The following RASD2 variants were observed in gnomAD, a reference collection of about 807,000 sequenced individuals.
RASD2 encodes the protein RASD family member 2, also known as GTP-binding protein Rhes.
Under a neutral mutation model 15.8 loss-of-function variants are expected in RASD2, and 7 were observed. The ratio of observed to expected loss-of-function variants is 0.44; its 90% CI spans 0.25 to 0.83. The LOEUF is 0.83. Ranked by LOEUF, RASD2 falls within the 40% of genes least tolerant of loss-of-function variation. The pLI, the probability that RASD2 is intolerant of heterozygous loss-of-function variation, is 0.20. For synonymous variants in RASD2, 155 were observed against 153.6 expected (o/e 1.01, Z -0.07); for missense variants, 274 against 382.8 (o/e 0.72, Z 2.37).
chr22:35,544,387 C>T (rs896067162), intron 1 of RASD2, among the ~76,000 whole-genome samples: 1 of 152,252 alleles, frequency 6.6e-6, no homozygotes, highest in Admixed American at 6.5e-5. Context: ...TCCTGCCTCC[C>T]ACACGTATGC....
At position 35,551,867 on chromosome 22, in the gene RASD2, C is replaced by G; in HGVS notation, c.636C>G (p.Phe212Leu). The change falls in exon 3 of 3, where the codon TTC (phenylalanine) becomes TTG (leucine). Residue 212 changes from phenylalanine (F) to leucine (L), a missense_variant. Transcript: ENST00000216127. The surrounding 1 kb of genome is among the most constrained non-coding windows in gnomAD (Gnocchi z 4.9). ...RKISVQYGDA[F>L]HPRPFCMRRV... ...TCTCCGTGCAGTACGGTGACGCCTT[C>G]CACCCCAGGCCCTTCTGCATGCGCC... is the stretch of plus-strand genomic sequence containing the variant. 1 of 1,613,970 alleles carries G rather than the reference C, an allele frequency of 6.2e-7. No homozygotes were observed. The highest frequency in any genetic ancestry group is 8.5e-7 in the Non-Finnish European group (1 of 1,180,030).
rs1397770824 is a variant in RASD2 at position 35,551,633 on chromosome 22, C to T, written c.402C>T (p.Pro134=). ...KNKTKEAAEL[P]MVICGNKNDH... ...AGACCAAGGAGGCGGCGGAGCTGCC[C>T]ATGGTCATCTGTGGCAACAAGAACG... The change falls in exon 3 of 3, where the codon CCC becomes CCT. Residue 134 remains proline, a synonymous_variant. Transcript: ENST00000216127. The surrounding 1 kb of genome is among the most constrained non-coding windows in gnomAD (Gnocchi z 4.9). 4 of 1,614,072 alleles carry T rather than the reference C, an allele frequency of 2.5e-6. No individual in the cohort carries two copies. Among genetic ancestry groups the T allele is most frequent in the Admixed American group, 3.3e-5 (2 of 60,000 alleles).
At chr22:35,536,824 C>CCAA (rs34190412), upstream of RASD2, among the ~76,000 whole-genome samples, 130,278 of 151,984 alleles carry the variant, frequency 0.86, 56,959 homozygotes, top group African/African-American at 0.93. Context: ...TTCTGCATTT[C>CCAA]CAAGTCCCAG....
At position 35,552,163 on chromosome 22, in the gene RASD2, C is replaced by A. The variant is rs547796190; in HGVS notation, c.*131C>A. The A allele has an allele frequency of 7.3e-6, 9 of 1,240,972 alleles. No individual in the cohort carries two copies. In the African/African-American group the frequency reaches 9.1e-5, roughly 13 times the overall value. 76.9% of individuals were successfully genotyped at this position (1,240,972 alleles called of 1,614,324 possible). ...AGACCTTAGGCACCAGACTGGAGGC[C>A]CCCGGGCGCTGGCCTCCGCACATTC... On this transcript the variant is annotated 3_prime_UTR_variant, in exon 3 of 3. Transcript: ENST00000216127.
chr22:35,537,134 T>G (rs762196441), upstream of RASD2, among the ~76,000 whole-genome samples: 99 of 152,314 alleles, frequency 6.5e-4, no homozygotes, highest in South Asian at 1.2e-3. Flanking sequence ...AGCCTCTCAT[T>G]AGCTGCCTGG....
chr22:35,533,021 G>T, the RASD2 span, among the ~76,000 whole-genome samples: 1 of 152,194 alleles, frequency 6.6e-6, no homozygotes, highest in Admixed American at 6.5e-5. Context: ...TCACCTGTCT[G>T]AGCCTCAGTC....
intron 1 of RASD2, among the ~76,000 whole-genome samples, chr22:35,544,715 T>C (rs1934449881): frequency 6.6e-6 from 1 of 152,126 alleles, no homozygotes; most frequent in Non-Finnish European, 1.5e-5. Context: ...CCTTCTGAGC[T>C]CGGGGCAGAC....
the RASD2 span, among the ~76,000 whole-genome samples, chr22:35,535,035 G>A: frequency 6.6e-6 from 1 of 152,160 alleles, no homozygotes; most frequent in South Asian, 2.1e-4. Flanking sequence ...TCTCAAGAGG[G>A]CGAGGACCCC....
At chr22:35,548,514 G>A (rs1023591363) in intron 2 of RASD2, among the ~76,000 whole-genome samples, 3 of 152,132 alleles carry the variant, frequency 2.0e-5, no homozygotes, top group Non-Finnish European at 4.4e-5. Context: ...GAGTGAGCAG[G>A]CAACTCTCTA....
intron 2 of RASD2, among the ~76,000 whole-genome samples, chr22:35,550,027 G>A (rs753037869): frequency 6.6e-6 from 1 of 152,104 alleles, no homozygotes; most frequent in Non-Finnish European, 1.5e-5. Context: ...TTGGGAGGCC[G>A]AGGTGGGCAG....
At chr22:35,535,434 A>G in the RASD2 span, among the ~76,000 whole-genome samples, 1 of 152,148 alleles carries the variant, frequency 6.6e-6, no homozygotes, top group Non-Finnish European at 1.5e-5. Context: ...AAGAGTTTAC[A>G]TAGCAAGTTC....
chr22:35,552,332 A>G lies in RASD2; in HGVS notation c.*300A>G. ...CCTTCCTCTCCTGGGGTTGGAAGAA[A>G]TGTTGATGCCAGAGGGGTGAGGATT... On this transcript the variant is annotated 3_prime_UTR_variant, in exon 3 of 3. Coordinates refer to ENST00000216127, the MANE Select transcript of RASD2 (RefSeq NM_014310.4). The G allele has an allele frequency of 2.2e-6, 1 of 445,320 alleles. No individual in the cohort carries two copies. Among genetic ancestry groups the G allele is most frequent in the East Asian group, 3.8e-5 (1 of 26,148 alleles). 27.6% of individuals were successfully genotyped at this position (445,320 alleles called of 1,614,324 possible). A position where few individuals can be genotyped will look rare whatever the true frequency, so the allele number is the denominator to read the frequency against.
intron 2 of RASD2, among the ~76,000 whole-genome samples, chr22:35,547,299 G>A (rs1934532613): frequency 6.6e-6 from 1 of 152,256 alleles, no homozygotes. Flanking sequence ...GATTACTCAT[G>A]GCTGTCGGGG....
At chr22:35,546,237 A>C (rs905124989) in intron 1 of RASD2, among the ~76,000 whole-genome samples, 9 of 152,138 alleles carry the variant, frequency 5.9e-5, no homozygotes, top group Non-Finnish European at 1.0e-4. Flanking sequence ...CGGTGTGGAC[A>C]TAGCCTTCCC....
At position 35,546,824 on chromosome 22, in the gene RASD2, G is replaced by A. The variant is rs573821116; in HGVS notation, c.15G>A (p.Leu5=). The change falls in exon 2 of 3, where the codon TTG becomes TTA. Residue 5 remains leucine (L), a synonymous_variant. Coordinates refer to ENST00000216127, the MANE Select transcript of RASD2 (RefSeq NM_014310.4). Reference sequence around the variant, plus strand: ...AGCCCCGAGCCATGATGAAGACTTTGTCCAGCGGGAACTGCACGCTCAGTG... The same window carrying A: ...AGCCCCGAGCCATGATGAAGACTTTATCCAGCGGGAACTGCACGCTCAGTG... MMKT[L]SSGNCTLSVP... 9.5e-5 allele frequency: 153 copies of A among 1,613,700 alleles called. 3 individuals carry two copies. The Middle Eastern group carries it at 1.5e-3, about 16-fold the overall frequency.
At chr22:35,546,683 T>C in intron 1 of RASD2, 118 bp from the exon 2 acceptor site, 1 of 1,368,116 alleles carries the variant, frequency 7.3e-7, no homozygotes, top group Non-Finnish European at 9.7e-7. Flanking sequence ...GAACCTCGTC[T>C]GATGTTCCCA....
In RASD2 at chr22:35,542,354, C is replaced by T. The variant is rs140875786; in HGVS notation, c.-10+854C>T. ...ACCCAGCATGTGTTCAGGTTTGCTG[C>T]GGGTCAAGAGCTGGGTCAGCCTCCA... On this transcript the variant is annotated intron_variant, in intron 1 of 2. Transcript: ENST00000216127. 1.5e-4 allele frequency among the ~76,000 whole-genome samples: 23 copies of T among 152,340 alleles called. 1 individual carries two copies. The East Asian group carries it at 4.4e-3, about 29-fold the overall frequency.
chr22:35,537,893 C>T (rs980801295), upstream of RASD2, among the ~76,000 whole-genome samples: 5 of 150,112 alleles, frequency 3.3e-5, no homozygotes, highest in Admixed American at 6.6e-5. Context: ...GGAATCACGT[C>T]CTGGTTGGAG....
At chr22:35,550,763 T>G (rs1264694752) in intron 2 of RASD2, among the ~76,000 whole-genome samples, 1 of 152,222 alleles carries the variant, frequency 6.6e-6, no homozygotes, top group Non-Finnish European at 1.5e-5. Context: ...GGAAGCTGTG[T>G]GATCTTGGGC....
Sources: allele counts gnomAD v4.1 joint callset (sites outside exome capture counted in the v4.1 genomes callset), GRCh38; gene constraint gnomAD v4.1.1; non-coding constraint Gnocchi (gnomAD v3.1); transcripts MANE v1.5; gene names NCBI Gene and HGNC (gene_info 2026-07-23, HGNC 2026-07-21).